IGDCC3: variants seen among roughly 807,000 people sequenced by gnomAD.
IGDCC3 encodes immunoglobulin superfamily DCC subclass member 3, also known as putative neuronal cell adhesion molecule.
A neutral mutation model predicts 72.0 loss-of-function variants in IGDCC3; 47 were observed. The observed-to-expected ratio is 0.65, with a 90% CI of 0.52 to 0.83. The LOEUF (loss-of-function observed/expected upper bound fraction) is 0.83. IGDCC3 is among the 40% of genes least tolerant of loss of function. The probability of loss-of-function intolerance (pLI) is 0.00; values close to 1 mark genes in which losing one functional copy is unlikely to be tolerated. For synonymous variants in IGDCC3, 477 were observed against 472.8 expected (o/e 1.01, Z -0.11); for missense variants, 1,038 against 1,091.3 (o/e 0.95, Z 0.69).
chr15:65,335,169 G>C (rs1472715292), intron 4 of IGDCC3, 122 bp downstream of exon 4: 1 of 1,112,796 alleles, frequency 9.0e-7, no homozygotes, highest in Non-Finnish European at 1.3e-6. Context: ...CACAGAGCCC[G>C]GCACTCTGCA....
chr15:65,333,519 G>C (rs1189697546), intron 5 of IGDCC3, 104 bp from the exon 6 acceptor site: 2 of 1,113,832 alleles, frequency 1.8e-6, no homozygotes, highest in African/African-American at 3.2e-5. Flanking sequence ...CTGTCTTCTA[G>C]GGAGCCCCAG....
chr15:65,369,724 C>G (rs187692244), intron 2 of IGDCC3, among the ~76,000 whole-genome samples: 1 of 152,072 alleles, frequency 6.6e-6, no homozygotes, highest in Non-Finnish European at 1.5e-5. Flanking sequence ...AGCAACTAAC[C>G]TCCAGGTGAT....
rs1185714896 is a variant in IGDCC3, at chr15:65,377,560, C to A, written c.103+126G>T. On this transcript the variant is annotated intron_variant, in intron 1 of 13. Transcript: ENST00000327987. This position sits in a 1 kb window ranked among gnomAD's most constrained non-coding sequence, Gnocchi z 4.9. ...CCCGTCCGGATCCGCAGGGTCCCCCCCGCGCGGGGTCCGCCCTCAGGTCCG... is the reference window on the plus strand; with the variant it reads ...CCCGTCCGGATCCGCAGGGTCCCCCACGCGCGGGGTCCGCCCTCAGGTCCG... 4.0e-6 allele frequency: 4 copies of A among 994,746 alleles called. No homozygotes were observed. The highest frequency in any genetic ancestry group is 4.4e-5 in the Admixed American group (1 of 22,878). 61.6% of individuals were successfully genotyped at this position (994,746 alleles called of 1,614,324 possible). A position where few individuals can be genotyped will look rare whatever the true frequency, so the allele number is the denominator to read the frequency against.
intron 3 of IGDCC3, 113 bp downstream of exon 3, chr15:65,335,699 A>G (rs1433579886): frequency 7.3e-6 from 9 of 1,235,534 alleles, no homozygotes; most frequent in Admixed American, 3.5e-5. Context: ...CCACTATCTC[A>G]GGCACCTGTG....
At chr15:65,350,342 G>A (rs953602499) in intron 2 of IGDCC3, among the ~76,000 whole-genome samples, 4 of 151,950 alleles carry the variant, frequency 2.6e-5, no homozygotes, top group Admixed American at 2.0e-4. Flanking sequence ...TATTGGCCAG[G>A]CTGGTCTCTG....
chr15:65,333,181 G>A, intron 6 of IGDCC3, 76 bp downstream of exon 6: 2 of 1,399,464 alleles, frequency 1.4e-6, no homozygotes, highest in Non-Finnish European at 1.9e-6. Context: ...ACAGGGCCCT[G>A]GGGTTGGGCC....
intron 2 of IGDCC3, among the ~76,000 whole-genome samples, chr15:65,363,500 C>G (rs1233780634): frequency 2.6e-5 from 4 of 152,204 alleles, no homozygotes; most frequent in Admixed American, 2.6e-4. Flanking sequence ...CTTGCCCAGC[C>G]CCAGAGTCGG....
At chr15:65,356,311 G>C (rs1362918983) in intron 2 of IGDCC3, 1 of 153,678 alleles carries the variant, frequency 6.5e-6, no homozygotes, top group Non-Finnish European at 1.4e-5. Context: ...GAAGAGGGAA[G>C]ATGGGGCACT....
chr15:65,339,196 C>A lies in IGDCC3; in HGVS notation c.410-3240G>T, dbSNP rs928728968. On this transcript the variant is annotated intron_variant, in intron 2 of 13. Transcript: ENST00000327987. The surrounding 1 kb of genome is among the most constrained non-coding windows in gnomAD (Gnocchi z 4.1). ...TCCCAGGCTTAAGCAACTCTCCTGC[C>A]TCAGCCTCCCGAGTAGCTGGTACTA... Among the ~76,000 whole-genome samples the A allele has an allele frequency of 7.2e-5, 11 of 152,256 alleles. No homozygotes were observed. The highest frequency in any genetic ancestry group is 1.0e-4 in the Non-Finnish European group (7 of 68,046).
Position 65,370,594 on chromosome 15 carries a change from ATATG to A in IGDCC3, c.409+4499_409+4502del, listed in dbSNP as rs1242048473. 2.4e-5 allele frequency among the ~76,000 whole-genome samples: 3 copies of A among 122,902 alleles called. 1 individual carries two copies. Among genetic ancestry groups the A allele is most frequent in the Non-Finnish European group, 4.9e-5 (3 of 60,774 alleles). 80.6% of individuals were successfully genotyped at this position (122,902 alleles called of 152,430 possible). A position where few individuals can be genotyped will look rare whatever the true frequency, so the allele number is the denominator to read the frequency against. On this transcript the variant is annotated intron_variant, in intron 2 of 13. Transcript: ENST00000327987. ...TGTATGTATATATATGTATGTATAT[ATATG>A]TATGTGTATATATATGTATGTGTAT...
rs953997762 is a variant in IGDCC3 at position 65,329,143 on chromosome 15, A to G, written c.2211T>C (p.Asp737=). 4 of 1,605,232 alleles carry G rather than the reference A, an allele frequency of 2.5e-6. No individual in the cohort carries two copies. In the African/African-American group the frequency reaches 5.4e-5, roughly 22 times the overall value. ...AGQPDPRPTQ[D]PAAPAPCEET... Reference sequence around the variant, plus strand: ...CCTCACACGGAGCGGGGGCTGCAGGATCCTGCTGGGGAAAGAGCCCGTCAC... The same window carrying G: ...CCTCACACGGAGCGGGGGCTGCAGGGTCCTGCTGGGGAAAGAGCCCGTCAC... Residue 737 remains aspartate, a synonymous_variant, in exon 14 of 14, where the codon GAT becomes GAC. Coordinates refer to ENST00000327987, the MANE Select transcript of IGDCC3 (RefSeq NM_004884.4). The surrounding 1 kb of genome is among the most constrained non-coding windows in gnomAD (Gnocchi z 4.1).
intron 2 of IGDCC3, among the ~76,000 whole-genome samples, chr15:65,371,845 C>A (rs1047027740): frequency 1.3e-5 from 2 of 152,204 alleles, no homozygotes; most frequent in African/African-American, 4.8e-5. Context: ...CTGGGTCAGC[C>A]CCTTTAGAGG....
At position 65,330,595 on chromosome 15, in the gene IGDCC3, TG is replaced by T; in HGVS notation, c.1707del (p.Ile570SerfsTer23). 6.2e-7 allele frequency: 1 copy of T among 1,613,658 alleles called. No homozygotes were observed. The highest frequency in any genetic ancestry group is 8.5e-7 in the Non-Finnish European group (1 of 1,180,000). On this transcript the variant is annotated frameshift_variant, in exon 10 of 14. Coordinates refer to ENST00000327987, the MANE Select transcript of IGDCC3 (RefSeq NM_004884.4). LOFTEE classifies it high-confidence loss of function. ...GAGGAGACGGTTCCAGGCAGCAGGA[TG>T]GGGCCGGTGAAGGAGGTCTTGCTTG... ...RPASKTSFTG[P>X]ILLPGTVSSY...
At chr15:65,370,953 G>C (rs2091322630) in intron 2 of IGDCC3, among the ~76,000 whole-genome samples, 1 of 152,080 alleles carries the variant, frequency 6.6e-6, no homozygotes, top group Non-Finnish European at 1.5e-5. Context: ...CCAAGGCTCA[G>C]AGAGGTGAAG....
Position 65,328,783 on chromosome 15 carries a change from G to T in IGDCC3, c.*126C>A. Reference sequence around the variant, plus strand: ...GCCTTGGGTTTTGACAACCCAAGAGGCAGTCAGGATAGAAATGCTGGGGAG... The same window carrying T: ...GCCTTGGGTTTTGACAACCCAAGAGTCAGTCAGGATAGAAATGCTGGGGAG... On this transcript the variant is annotated 3_prime_UTR_variant, in exon 14 of 14. Coordinates refer to ENST00000327987, the MANE Select transcript of IGDCC3 (RefSeq NM_004884.4). 8.2e-7 allele frequency: 1 copy of T among 1,225,096 alleles called. No homozygotes were observed. Among genetic ancestry groups the T allele is most frequent in the Non-Finnish European group, 1.1e-6 (1 of 920,410 alleles). The allele number at this position is 1,225,096 out of a possible 1,614,324, so 75.9% of individuals were successfully genotyped here.
chr15:65,336,212 A>G (rs1394600224), intron 2 of IGDCC3, among the ~76,000 whole-genome samples: 1 of 152,178 alleles, frequency 6.6e-6, no homozygotes, highest in Non-Finnish European at 1.5e-5. Context: ...ACTTCTGGAT[A>G]ACAAACCTCT....
At chr15:65,368,774 G>T (rs187108595) in intron 2 of IGDCC3, among the ~76,000 whole-genome samples, 1 of 152,054 alleles carries the variant, frequency 6.6e-6, no homozygotes, top group Non-Finnish European at 1.5e-5. Context: ...CCTGCCCCGC[G>T]TGCATTATAT....
chr15:65,371,810 G>A (rs2091327125), intron 2 of IGDCC3, among the ~76,000 whole-genome samples: 1 of 152,216 alleles, frequency 6.6e-6, no homozygotes, highest in African/African-American at 2.4e-5. Flanking sequence ...ACAGGCCTCA[G>A]GTATGAGTCA....
intron 2 of IGDCC3, among the ~76,000 whole-genome samples, chr15:65,342,135 C>T (rs2091086630): frequency 6.6e-6 from 1 of 151,820 alleles, no homozygotes; most frequent in Admixed American, 6.6e-5. Context: ...GCCTGTAATC[C>T]CAGCATTTTG....
Sources: allele counts gnomAD v4.1 joint callset (sites outside exome capture counted in the v4.1 genomes callset), GRCh38; gene constraint gnomAD v4.1.1; non-coding constraint Gnocchi (gnomAD v3.1); transcripts MANE v1.5; gene names NCBI Gene and HGNC (gene_info 2026-07-23, HGNC 2026-07-21).